The following CNTN4 variants were observed in gnomAD, a reference collection of about 807,000 sequenced individuals.
CNTN4 encodes contactin 4.
Under a neutral mutation model 122.5 loss-of-function variants are expected in CNTN4, and 77 were observed. That is an observed-to-expected ratio of 0.63 (90% confidence interval 0.52 to 0.76). CNTN4 has a LOEUF of 0.76. Ranked by LOEUF, CNTN4 falls within the 30% of genes least tolerant of loss-of-function variation. CNTN4 has a pLI of 0.00. For synonymous variants in CNTN4, 512 were observed against 447.0 expected (o/e 1.15, Z -1.83); for missense variants, 1,256 against 1,259.1 (o/e 1.00, Z 0.04).
intron 2 of CNTN4, among the ~76,000 whole-genome samples, chr3:2,236,702 T>C (rs1311539842): frequency 6.6e-6 from 1 of 152,190 alleles, no homozygotes; most frequent in Non-Finnish European, 1.5e-5. Context: ...AAACTATCAT[T>C]TTTATTTATT....
intron 13 of CNTN4, among the ~76,000 whole-genome samples, chr3:2,970,084 G>C (rs929781525): frequency 1.7e-4 from 22 of 127,684 alleles, no homozygotes; most frequent in African/African-American, 5.4e-4. Flanking sequence ...TTTTGTTGTT[G>C]TTGTTGTTTG....
At position 2,968,104 on chromosome 3, in the gene CNTN4, G is replaced by A. The variant is rs570587563; in HGVS notation, c.1359-20241G>A. ...TGAGATTGCATTTGCTGTTTTTTGTGCTAATCTCAAGAACATTCCAAAAAT... is the reference window on the plus strand; with the variant it reads ...TGAGATTGCATTTGCTGTTTTTTGTACTAATCTCAAGAACATTCCAAAAAT... On this transcript the variant is annotated intron_variant, in intron 13 of 24. Coordinates refer to ENST00000418658, the MANE Select transcript of CNTN4 (RefSeq NM_175607.3). 3.5e-4 allele frequency among the ~76,000 whole-genome samples: 54 copies of A among 152,174 alleles called. 1 individual carries two copies. The South Asian group carries it at 0.011, about 31-fold the overall frequency.
chr3:2,387,013 T>G (rs2150837886), intron 3 of CNTN4, among the ~76,000 whole-genome samples: 1 of 152,268 alleles, frequency 6.6e-6, no homozygotes, highest in South Asian at 2.1e-4. Context: ...AGGGAAGAAA[T>G]AGAAGTTAGA....
At chr3:2,657,023 C>T (rs1312132763) in intron 4 of CNTN4, among the ~76,000 whole-genome samples, 1 of 152,162 alleles carries the variant, frequency 6.6e-6, no homozygotes, top group Non-Finnish European at 1.5e-5. Context: ...GAACAGTTCA[C>T]CCACTCCTAC....
chr3:2,341,967 G>A (rs1314733243), intron 3 of CNTN4, among the ~76,000 whole-genome samples: 1 of 152,140 alleles, frequency 6.6e-6, no homozygotes, highest in Admixed American at 6.6e-5. Flanking sequence ...AGACACTTGA[G>A]TTTAATATCC....
At chr3:2,311,756 T>C (rs988764697) in intron 2 of CNTN4, among the ~76,000 whole-genome samples, 1 of 152,160 alleles carries the variant, frequency 6.6e-6, no homozygotes, top group African/African-American at 2.4e-5. Flanking sequence ...TAATACTTTG[T>C]AAACTGTATG....
chr3:2,918,790 A>C (rs2094396226), intron 12 of CNTN4, among the ~76,000 whole-genome samples: 1 of 152,134 alleles, frequency 6.6e-6, no homozygotes, highest in African/African-American at 2.4e-5. Context: ...CTGAGGTACA[A>C]CTCCAAAGAG....
chr3:2,496,765 G>A (rs1040279340), intron 3 of CNTN4, among the ~76,000 whole-genome samples: 1 of 152,158 alleles, frequency 6.6e-6, no homozygotes, highest in African/African-American at 2.4e-5. Flanking sequence ...ATGTGATATG[G>A]GTAATAAGTG....
chr3:2,701,446 G>A (rs760939222), intron 4 of CNTN4, among the ~76,000 whole-genome samples: 4 of 152,184 alleles, frequency 2.6e-5, no homozygotes, highest in Non-Finnish European at 5.9e-5. Context: ...AAATGCAGTG[G>A]TTTTCCCCCC....
At chr3:2,243,781 T>C (rs890316276) in intron 2 of CNTN4, among the ~76,000 whole-genome samples, 1 of 152,090 alleles carries the variant, frequency 6.6e-6, no homozygotes, top group African/African-American at 2.4e-5. Flanking sequence ...GTATTTTACA[T>C]GTAGAGAGGT....
At chr3:2,501,340 T>G (rs1214301094) in intron 3 of CNTN4, among the ~76,000 whole-genome samples, 1 of 152,226 alleles carries the variant, frequency 6.6e-6, no homozygotes, top group Non-Finnish European at 1.5e-5. Context: ...TTAACAGATT[T>G]TACCCTCTGT....
intron 12 of CNTN4, among the ~76,000 whole-genome samples, chr3:2,907,119 C>A (rs114272149): frequency 2.6e-5 from 4 of 152,242 alleles, no homozygotes; most frequent in Admixed American, 2.0e-4. Flanking sequence ...TTGGGTAAGA[C>A]ATAATATGAT....
chr3:2,566,342 C>G (rs921641115), intron 3 of CNTN4, among the ~76,000 whole-genome samples: 5 of 152,188 alleles, frequency 3.3e-5, no homozygotes, highest in Middle Eastern at 3.2e-3. Context: ...TTCATAGCCT[C>G]TCATATTCTA....
chr3:2,393,390 C>G (rs1423787995), intron 3 of CNTN4, among the ~76,000 whole-genome samples: 1 of 152,184 alleles, frequency 6.6e-6, no homozygotes, highest in Non-Finnish European at 1.5e-5. Flanking sequence ...GCGTGACACT[C>G]ATCTTGCCAC....
At chr3:2,561,320 G>A (rs1470641270) in intron 3 of CNTN4, among the ~76,000 whole-genome samples, 5 of 152,176 alleles carry the variant, frequency 3.3e-5, no homozygotes, top group Non-Finnish European at 2.9e-5. Context: ...AACGTGAGAT[G>A]ATTGCTAAGA....
rs1029597970 is a variant in CNTN4 at position 2,662,946 on chromosome 3, A to G, written c.56-73269A>G. ...CATCTTCACATTTGTATTTTAGTAT[A>G]CAAAAATTAGCTGGGTGTGATGGTG... On this transcript the variant is annotated intron_variant, in intron 4 of 24. Coordinates refer to ENST00000418658, the MANE Select transcript of CNTN4 (RefSeq NM_175607.3). Among the ~76,000 whole-genome samples, 6 of 151,964 alleles carry G rather than the reference A, an allele frequency of 3.9e-5. No homozygotes were observed. The East Asian group carries it at 9.7e-4, about 25-fold the overall frequency.
intron 6 of CNTN4, among the ~76,000 whole-genome samples, chr3:2,779,957 T>A (rs1456652322): frequency 1.3e-5 from 2 of 152,248 alleles, no homozygotes; most frequent in African/African-American, 4.8e-5. Context: ...AAGAAATTTG[T>A]TAATTTATTC....
At chr3:2,143,644 G>T (rs954910944) in intron 2 of CNTN4, among the ~76,000 whole-genome samples, 1 of 152,120 alleles carries the variant, frequency 6.6e-6, no homozygotes. Flanking sequence ...AATGCATGTT[G>T]TGTGCTAGGC....
Position 3,034,793 on chromosome 3 carries a change from A to G in CNTN4, c.1942+3A>G. 6.2e-7 allele frequency: 1 copy of G among 1,614,028 alleles called. No individual in the cohort carries two copies. The highest frequency in any genetic ancestry group is 8.5e-7 in the Non-Finnish European group (1 of 1,179,898). ...GGGCTGGCAAGCAGTCAGTACAGGTACCATATTGGATGCTTGGCTCAGAGA... is the reference window on the plus strand; with the variant it reads ...GGGCTGGCAAGCAGTCAGTACAGGTGCCATATTGGATGCTTGGCTCAGAGA... On this transcript the variant is annotated splice_donor_region_variant and intron_variant, in intron 17 of 24. Coordinates refer to ENST00000418658, the MANE Select transcript of CNTN4 (RefSeq NM_175607.3).
Sources: gnomAD v4.1 joint callset for allele counts (sites outside exome capture counted in the v4.1 genomes callset) on GRCh38, gnomAD v4.1.1 for gene constraint, MANE v1.5 for transcripts, NCBI Gene and HGNC (gene_info 2026-07-23, HGNC 2026-07-21) for gene names.